IL1RAPL1: variants seen among roughly 807,000 people sequenced by gnomAD.
IL1RAPL1 encodes the protein interleukin-1 receptor accessory protein-like 1.
A neutral mutation model predicts 48.4 loss-of-function variants in IL1RAPL1; 3 were observed. The observed-to-expected ratio is 0.06, with a 90% CI of 0.03 to 0.16. IL1RAPL1 has a LOEUF of 0.16. Among genes scored for constraint, IL1RAPL1 ranks in the 10% least tolerant of loss-of-function variants. IL1RAPL1 has a pLI of 1.00. For missense variants in IL1RAPL1, 349 were observed against 530.6 expected, an observed-to-expected ratio of 0.66 and a Z score of 3.36; for synonymous variants, 185 against 187.7, an observed-to-expected ratio of 0.99 and a Z score of 0.12.
At chrX:29,908,873 C>A (rs1006325853) in intron 6 of IL1RAPL1, among the ~76,000 whole-genome samples, 1 of 111,520 alleles carries the variant, frequency 9.0e-6, no homozygotes, top group Non-Finnish European at 1.9e-5. Flanking sequence ...CTTTATTTGG[C>A]AATTTTCATC....
intron 3 of IL1RAPL1, among the ~76,000 whole-genome samples, chrX:29,358,407 A>G (rs1045330190): frequency 3.8e-5 from 4 of 105,692 alleles, no homozygotes; most frequent in Middle Eastern, 4.8e-3. Flanking sequence ...CTACGCACCC[A>G]CCCCCCGCCA....
Position 28,803,875 on chromosome X carries a change from T to A in IL1RAPL1, c.82+14450T>A, listed in dbSNP as rs1207989552. ...CTGGGCATAAAAAAGGTTAAAATGT[T>A]TAGATATTTGTTTGTAGAAACTTGC... On this transcript the variant is annotated intron_variant, in intron 2 of 10. Coordinates refer to ENST00000378993, the MANE Select transcript of IL1RAPL1 (RefSeq NM_014271.4). Among the ~76,000 whole-genome samples, 3 of 112,540 alleles carry A rather than the reference T, an allele frequency of 2.7e-5. No individual in the cohort carries two copies. The Admixed American group carries it at 2.8e-4, about 11-fold the overall frequency.
intron 8 of IL1RAPL1, among the ~76,000 whole-genome samples, chrX:29,920,794 C>CAAAAAAAAAAAAAAAAAAAAA (rs1176529100): frequency 4.7e-4 from 15 of 31,595 alleles, no homozygotes; most frequent in South Asian, 3.2e-3. Flanking sequence ...GACCCTGTCT[C>CAAAAAAAAAAAAAAAAAAAAA]AAAAAAAAAA....
intron 5 of IL1RAPL1, among the ~76,000 whole-genome samples, chrX:29,663,780 C>G (rs1478984660): frequency 1.8e-5 from 2 of 111,841 alleles, no homozygotes; most frequent in East Asian, 5.6e-4. Flanking sequence ...GGTTGGATGT[C>G]CAGTTCATTA....
At chrX:29,899,120 G>GGTGTGT (rs112187676) in intron 6 of IL1RAPL1, among the ~76,000 whole-genome samples, 3,363 of 107,287 alleles carry the variant, frequency 0.031, 131 homozygotes, top group African/African-American at 0.11. Flanking sequence ...TATTTATTAG[G>GGTGTGT]GTGTGTGTGT....
At chrX:28,868,411 T>A (rs902479535) in intron 2 of IL1RAPL1, among the ~76,000 whole-genome samples, 10 of 111,911 alleles carry the variant, frequency 8.9e-5, no homozygotes, top group South Asian at 7.4e-4. Flanking sequence ...ACTTTTTTTT[T>A]AAAACCTTCC....
intron 6 of IL1RAPL1, among the ~76,000 whole-genome samples, chrX:29,773,010 G>A (rs5928336): frequency 0.4 from 43,797 of 110,230 alleles, 6,712 homozygotes; most frequent in African/African-American, 0.56. Context: ...ACAAGGAGAA[G>A]ACAATTTTCC....
intron 6 of IL1RAPL1, among the ~76,000 whole-genome samples, chrX:29,751,233 C>T (rs1928454318): frequency 9.0e-6 from 1 of 111,220 alleles, no homozygotes; most frequent in Non-Finnish European, 1.9e-5. Flanking sequence ...TATGTGGCCA[C>T]AAAATATTGA....
At chrX:29,953,585 G>A (rs1307686039) in intron 9 of IL1RAPL1, among the ~76,000 whole-genome samples, 4 of 111,812 alleles carry the variant, frequency 3.6e-5, no homozygotes, top group Non-Finnish European at 7.5e-5. Flanking sequence ...TGATTAGCAT[G>A]ATGAAAAATA....
At chrX:29,422,894 C>T (rs1028321335) in intron 5 of IL1RAPL1, among the ~76,000 whole-genome samples, 2 of 111,588 alleles carry the variant, frequency 1.8e-5, no homozygotes, top group African/African-American at 6.5e-5. Flanking sequence ...ATAAAGGAAA[C>T]CTGAAATATT....
intron 5 of IL1RAPL1, among the ~76,000 whole-genome samples, chrX:29,433,603 T>C (rs745867687): frequency 9.0e-6 from 1 of 111,415 alleles, no homozygotes; most frequent in Non-Finnish European, 1.9e-5. Flanking sequence ...TTTACCAATA[T>C]ACATTCTTTC....
At chrX:28,710,142 C>T (rs1247562458) in intron 1 of IL1RAPL1, among the ~76,000 whole-genome samples, 1 of 111,037 alleles carries the variant, frequency 9.0e-6, no homozygotes, top group Non-Finnish European at 1.9e-5. Flanking sequence ...TCACTATGGG[C>T]TGGGCACTGG....
At chrX:29,938,265 A>G (rs932953827) in intron 8 of IL1RAPL1, among the ~76,000 whole-genome samples, 1 of 112,363 alleles carries the variant, frequency 8.9e-6, no homozygotes, top group Admixed American at 9.4e-5. Context: ...TGTAGAGACC[A>G]GTATTATAAA....
At chrX:28,980,982 T>C (rs1255255967) in intron 2 of IL1RAPL1, among the ~76,000 whole-genome samples, 6 of 103,168 alleles carry the variant, frequency 5.8e-5, no homozygotes, top group Non-Finnish European at 9.8e-5. Flanking sequence ...TCCCAGCTAC[T>C]CAGGAGACTG....
intron 2 of IL1RAPL1, among the ~76,000 whole-genome samples, chrX:28,934,194 A>C (rs1390078125): frequency 3.6e-5 from 4 of 110,858 alleles, no homozygotes; most frequent in African/African-American, 1.3e-4. Flanking sequence ...TGGTTCGAAC[A>C]CCTCTGACAA....
chrX:29,348,569 A>G (rs1479460835), intron 3 of IL1RAPL1, among the ~76,000 whole-genome samples: 1 of 111,910 alleles, frequency 8.9e-6, no homozygotes, highest in Non-Finnish European at 1.9e-5. Flanking sequence ...CAGAATCCAC[A>G]TGATTTAGCA....
At chrX:28,786,230 C>T (rs1487929026) in intron 1 of IL1RAPL1, among the ~76,000 whole-genome samples, 2 of 111,243 alleles carry the variant, frequency 1.8e-5, no homozygotes, top group Non-Finnish European at 3.8e-5. Context: ...TTTGGGAGGC[C>T]AAGGCAGGCA....
intron 6 of IL1RAPL1, among the ~76,000 whole-genome samples, chrX:29,695,652 C>A (rs1292273382): frequency 9.2e-6 from 1 of 109,258 alleles, no homozygotes; most frequent in African/African-American, 3.4e-5. Flanking sequence ...TTTATCTGCT[C>A]CTCTTTTTAA....
At chrX:29,565,323 T>TA (rs58259760) in intron 5 of IL1RAPL1, among the ~76,000 whole-genome samples, 1,129 of 98,373 alleles carry the variant, frequency 0.011, 9 homozygotes, top group African/African-American at 0.032. Flanking sequence ...TAGCAGTTAC[T>TA]AAAAAAAAAA....
Sources: allele counts gnomAD v4.1 joint callset (sites outside exome capture counted in the v4.1 genomes callset), GRCh38; gene constraint gnomAD v4.1.1; transcripts MANE v1.5; gene names NCBI Gene and HGNC (gene_info 2026-07-23, HGNC 2026-07-21).